PPARGC1A: variants seen among roughly 807,000 people sequenced by gnomAD.
PPARGC1A encodes the protein PPARG coactivator 1 alpha.
PPARGC1A carries 25 observed loss-of-function variants against 88.7 expected under a neutral mutation model. The observed-to-expected ratio is 0.28, with a 90% confidence interval of 0.21 to 0.39. The LOEUF (loss-of-function observed/expected upper bound fraction) is 0.39. Ranked by LOEUF, PPARGC1A falls within the 10% of genes least tolerant of loss-of-function variation. The pLI, the probability that PPARGC1A is intolerant of heterozygous loss-of-function variation, is 1.00. For missense variants in PPARGC1A, 880 were observed against 968.7 expected (o/e 0.91, Z 1.22); for synonymous variants, 363 against 355.6 (o/e 1.02, Z -0.24).
the PPARGC1A span, among the ~76,000 whole-genome samples, chr4:24,116,925 C>G: frequency 6.6e-6 from 1 of 151,986 alleles, no homozygotes; most frequent in African/African-American, 2.4e-5. Flanking sequence ...AGTCCACTCT[C>G]ATAACTGTGC....
At chr4:24,312,531 TC>T in the PPARGC1A span, among the ~76,000 whole-genome samples, 6 of 151,032 alleles carry the variant, frequency 4.0e-5, no homozygotes, top group Non-Finnish European at 8.8e-5. Context: ...TTCTTATTTA[TC>T]AGAAAATCAG....
chr4:23,901,369 C>CAA (rs766239228), upstream of PPARGC1A, among the ~76,000 whole-genome samples: 383 of 71,678 alleles, frequency 5.3e-3, 5 homozygotes, highest in African/African-American at 0.02. Context: ...GACTCCGTCT[C>CAA]AAAAAAAAAA....
the PPARGC1A span, among the ~76,000 whole-genome samples, chr4:24,017,956 G>T: frequency 6.6e-6 from 1 of 152,134 alleles, no homozygotes; most frequent in African/African-American, 2.4e-5. Flanking sequence ...CTTATACTCA[G>T]TCTTATACAT....
chr4:24,071,463 T>C, the PPARGC1A span, among the ~76,000 whole-genome samples: 2 of 151,910 alleles, frequency 1.3e-5, no homozygotes, highest in Non-Finnish European at 2.9e-5. Flanking sequence ...CTTTTATCAA[T>C]AATGCTGTAT....
At chr4:23,824,097 AT>A (rs1211592640) in intron 7 of PPARGC1A, among the ~76,000 whole-genome samples, 182 bp downstream of exon 7, 5 of 139,818 alleles carry the variant, frequency 3.6e-5, no homozygotes, top group African/African-American at 1.0e-4. Context: ...GCGCTTCAAT[AT>A]TTTTTATTAG....
At chr4:24,226,161 T>C in the PPARGC1A span, among the ~76,000 whole-genome samples, 1 of 152,102 alleles carries the variant, frequency 6.6e-6, no homozygotes, top group Non-Finnish European at 1.5e-5. Context: ...TAAATACCAG[T>C]GACATGATGA....
the PPARGC1A span, among the ~76,000 whole-genome samples, chr4:24,272,442 C>A: frequency 9.2e-5 from 14 of 152,236 alleles, no homozygotes; most frequent in African/African-American, 3.4e-4. Flanking sequence ...CCCAACTCCA[C>A]CCATGTCATA....
chr4:24,025,340 A>T, the PPARGC1A span, among the ~76,000 whole-genome samples: 1 of 152,246 alleles, frequency 6.6e-6, no homozygotes, highest in African/African-American at 2.4e-5. Flanking sequence ...ATACACTTGA[A>T]TACACACCAT....
At chr4:24,422,388 A>ATATGG in the PPARGC1A span, among the ~76,000 whole-genome samples, 1 of 152,240 alleles carries the variant, frequency 6.6e-6, no homozygotes, top group Non-Finnish European at 1.5e-5. Flanking sequence ...CAGAGCAGAT[A>ATATGG]TATGGCACAA....
the PPARGC1A span, among the ~76,000 whole-genome samples, chr4:24,263,973 C>T: frequency 6.6e-6 from 1 of 151,778 alleles, no homozygotes; most frequent in African/African-American, 2.4e-5. Context: ...TGATCTTGTA[C>T]CCCCCGGGCT....
At chr4:23,984,201 G>A in the PPARGC1A span, among the ~76,000 whole-genome samples, 2 of 152,094 alleles carry the variant, frequency 1.3e-5, no homozygotes, top group Admixed American at 6.5e-5. Context: ...TTTTCCTCCA[G>A]GTTTCATCTG....
intron 1 of PPARGC1A, among the ~76,000 whole-genome samples, chr4:23,896,508 C>T (rs1718621428): frequency 6.6e-6 from 1 of 152,114 alleles, no homozygotes; most frequent in Non-Finnish European, 1.5e-5. Flanking sequence ...ATGAGCAACA[C>T]TGAGGGAAGT....
At chr4:23,902,218 T>C (rs570905525), upstream of PPARGC1A, among the ~76,000 whole-genome samples, 2 of 152,338 alleles carry the variant, frequency 1.3e-5, no homozygotes, top group African/African-American at 4.8e-5. Context: ...AGATGAGTGA[T>C]GTGCCTAGTA....
the PPARGC1A span, among the ~76,000 whole-genome samples, chr4:24,237,631 T>C: frequency 2.0e-5 from 3 of 152,320 alleles, no homozygotes; most frequent in Non-Finnish European, 4.4e-5. Flanking sequence ...ACTGATGCTC[T>C]TATAATTCCT....
the PPARGC1A span, among the ~76,000 whole-genome samples, chr4:24,141,498 AG>A: frequency 6.6e-6 from 1 of 152,232 alleles, no homozygotes; most frequent in African/African-American, 2.4e-5. Flanking sequence ...ACTAATGAGT[AG>A]GGACTACAAA....
the PPARGC1A span, among the ~76,000 whole-genome samples, chr4:24,418,943 G>A: frequency 6.6e-6 from 1 of 152,110 alleles, no homozygotes; most frequent in African/African-American, 2.4e-5. Context: ...TTGTGTAGCT[G>A]TTATTCAGTT....
chr4:24,373,701 G>A, the PPARGC1A span, among the ~76,000 whole-genome samples: 1 of 152,132 alleles, frequency 6.6e-6, no homozygotes, highest in Non-Finnish European at 1.5e-5. Context: ...AGACAGCTGT[G>A]TTTTTAAGAA....
chr4:23,935,118 A>G, the PPARGC1A span, among the ~76,000 whole-genome samples: 1 of 152,144 alleles, frequency 6.6e-6, no homozygotes. Context: ...GCAAAATACT[A>G]CTGGTGTCCT....
chr4:23,817,013 T>A (rs1278607513), intron 7 of PPARGC1A, among the ~76,000 whole-genome samples: 1 of 152,182 alleles, frequency 6.6e-6, no homozygotes, highest in Non-Finnish European at 1.5e-5. Context: ...TTTAATGAGA[T>A]GCTTCACAGG....
Sources: allele counts gnomAD v4.1 joint callset (sites outside exome capture counted in the v4.1 genomes callset), GRCh38; gene constraint gnomAD v4.1.1; transcripts MANE v1.5; gene names NCBI Gene and HGNC (gene_info 2026-07-23, HGNC 2026-07-21).